ZDHHC11: variants seen among roughly 807,000 people sequenced by gnomAD.
The protein encoded by ZDHHC11 is zDHHC palmitoyltransferase 11.
Under a neutral mutation model 51.3 loss-of-function variants are expected in ZDHHC11, and 44 were observed. That is an observed-to-expected ratio of 0.86 (90% confidence interval 0.67 to 1.10). The LOEUF (loss-of-function observed/expected upper bound fraction) is 1.10. Ranked by LOEUF, ZDHHC11 falls within the 50% of genes least tolerant of loss-of-function variation. The pLI is 0.00. For synonymous variants in ZDHHC11, 163 were observed against 222.0 expected (o/e 0.73, Z 2.36); for missense variants, 400 against 537.7 (o/e 0.74, Z 2.53).
intron 3 of ZDHHC11, among the ~76,000 whole-genome samples, 173 bp from the exon 4 acceptor site, chr5:843,897 G>A (rs1745574434): frequency 7.9e-5 from 9 of 114,612 alleles, no homozygotes; most frequent in East Asian, 6.0e-4. Flanking sequence ...TGGGGGCGGG[G>A]AGGCAGGGGC....
In ZDHHC11 at chr5:801,163, GC is replaced by G; in HGVS notation, c.1182del (p.Leu395CysfsTer9). Reference sequence around the variant, plus strand: ...ATGGGCTCTGTTGTTTCTTGTTGCAGCCTGTTTGCAATATTCAGAAAGAGAA... The same window carrying G: ...ATGGGCTCTGTTGTTTCTTGTTGCAGCTGTTTGCAATATTCAGAAAGAGAA... ...ADDAPSISTL[G>X]LQQETTEPMK... On this transcript the variant is annotated frameshift_variant and splice_region_variant, in exon 12 of 13. Coordinates refer to ENST00000283441, the MANE Select transcript of ZDHHC11 (RefSeq NM_024786.3). LOFTEE classifies it high-confidence loss of function. The G allele has an allele frequency of 1.2e-6, 2 of 1,610,882 alleles. No homozygotes were observed.
intron 4 of ZDHHC11, among the ~76,000 whole-genome samples, chr5:842,854 G>A (rs1282234557): frequency 2.0e-5 from 3 of 151,944 alleles, no homozygotes; most frequent in African/African-American, 7.3e-5. Context: ...ACCCCGGGCT[G>A]TGGCTGTGTG....
At chr5:804,805 C>T (rs1207782276) in intron 11 of ZDHHC11, among the ~76,000 whole-genome samples, 1 of 150,920 alleles carries the variant, frequency 6.6e-6, no homozygotes, top group East Asian at 1.9e-4. Flanking sequence ...CTCACATAGA[C>T]AAAAATTGAG....
intron 12 of ZDHHC11, among the ~76,000 whole-genome samples, chr5:800,775 G>C (rs1407945450): frequency 6.6e-6 from 1 of 151,378 alleles, no homozygotes; most frequent in African/African-American, 2.4e-5. Flanking sequence ...ATTATTTAAA[G>C]TTCTTAGATC....
At chr5:860,240 T>G (rs1376493643), upstream of ZDHHC11, among the ~76,000 whole-genome samples, 1 of 152,194 alleles carries the variant, frequency 6.6e-6, no homozygotes, top group Non-Finnish European at 1.5e-5. This position sits in a 1 kb window ranked among gnomAD's most constrained non-coding sequence, Gnocchi z 4.2. Context: ...GGGCAGCTGC[T>G]CTGGCCAGAG....
At chr5:831,164 A>C (rs1386827316) in intron 7 of ZDHHC11, among the ~76,000 whole-genome samples, 2 of 149,456 alleles carry the variant, frequency 1.3e-5, no homozygotes, top group African/African-American at 4.9e-5. Context: ...CCTTCTGCAC[A>C]GGAAAAGAAG....
At chr5:855,796 A>C (rs1348378066), upstream of ZDHHC11, among the ~76,000 whole-genome samples, 20 of 139,696 alleles carry the variant, frequency 1.4e-4, no homozygotes, top group Non-Finnish European at 2.6e-4. Context: ...GACAGTGAGC[A>C]GTGGGGACAG....
In ZDHHC11 at chr5:802,770, G is replaced by A. The variant is rs1168892286; in HGVS notation, c.1182-1606C>T. On this transcript the variant is annotated intron_variant, in intron 11 of 12. Coordinates refer to ENST00000283441, the MANE Select transcript of ZDHHC11 (RefSeq NM_024786.3). ...GGGTGGATCACGAGGTCAGGAGATC[G>A]AGACCATCCTGGCTAACATGGTGAA... Among the ~76,000 whole-genome samples, 8 of 132,242 alleles carry A rather than the reference G, an allele frequency of 6.0e-5. 1 individual carries two copies. The highest frequency in any genetic ancestry group is 8.5e-5 in the Admixed American group (1 of 11,826). The allele number at this position is 132,242 out of a possible 152,430, so 86.8% of individuals were successfully genotyped here.
At chr5:810,945 AATG>A (rs1451337543) in intron 11 of ZDHHC11, among the ~76,000 whole-genome samples, 5 of 151,722 alleles carry the variant, frequency 3.3e-5, no homozygotes, top group African/African-American at 1.2e-4. Context: ...AGGTGTATTA[AATG>A]ATAATTTCAT....
At chr5:822,162 A>G (rs1377197867) in intron 8 of ZDHHC11, among the ~76,000 whole-genome samples, 2 of 151,406 alleles carry the variant, frequency 1.3e-5, no homozygotes, top group African/African-American at 4.9e-5. Context: ...ATGTGGAGAC[A>G]GGGTCTTGAA....
In ZDHHC11 at chr5:846,942, G is replaced by A. The variant is rs1219632316; in HGVS notation, c.503+572C>T. ...TGCTCAGGGGAAAGACCTCTCGCCT[G>A]TGAGCCTCCACCATGCTCAGTGGAA... is the stretch of plus-strand genomic sequence containing the variant. On this transcript the variant is annotated intron_variant, in intron 3 of 12. Coordinates refer to ENST00000283441, the MANE Select transcript of ZDHHC11 (RefSeq NM_024786.3). Among the ~76,000 whole-genome samples, 4 of 147,564 alleles carry A rather than the reference G, an allele frequency of 2.7e-5. 1 individual carries two copies. Among genetic ancestry groups the A allele is most frequent in the Non-Finnish European group, 4.5e-5 (3 of 66,884 alleles).
intron 8 of ZDHHC11, 55 bp from the exon 9 acceptor site, chr5:821,950 A>T (rs993445415): frequency 2.5e-5 from 38 of 1,502,856 alleles, no homozygotes; most frequent in Non-Finnish European, 3.1e-5. Flanking sequence ...ACTTATTCTT[A>T]AAAAAAATTC....
chr5:850,274 G>T, intron 1 of ZDHHC11, 107 bp downstream of exon 1: 1 of 1,301,552 alleles, frequency 7.7e-7, no homozygotes, highest in Admixed American at 2.1e-5. Context: ...CCCAGGGCAG[G>T]TGACTGGTGC....
At chr5:859,219 C>G (rs563634002), upstream of ZDHHC11, among the ~76,000 whole-genome samples, 3 of 152,176 alleles carry the variant, frequency 2.0e-5, no homozygotes, top group African/African-American at 7.2e-5. Context: ...TGGATGGGCC[C>G]CAATGCCTGC....
At chr5:852,834 G>A (rs1747459578), upstream of ZDHHC11, among the ~76,000 whole-genome samples, 1 of 148,188 alleles carries the variant, frequency 6.7e-6, no homozygotes, top group African/African-American at 2.5e-5. Flanking sequence ...AGGACAGCGA[G>A]CCGGGGGTAC....
At chr5:852,937 G>C (rs1378422548), upstream of ZDHHC11, among the ~76,000 whole-genome samples, 1 of 145,344 alleles carries the variant, frequency 6.9e-6, no homozygotes, top group African/African-American at 2.6e-5. Context: ...CGAGCCGAGG[G>C]GACAGACCCC....
intron 3 of ZDHHC11, among the ~76,000 whole-genome samples, chr5:844,848 C>T (rs866643453): frequency 2.0e-5 from 3 of 152,304 alleles, no homozygotes; most frequent in South Asian, 4.1e-4. Flanking sequence ...TCAAAAGATG[C>T]AGAGAATAAT....
chr5:851,248 C>T (rs1747181644), upstream of ZDHHC11, among the ~76,000 whole-genome samples: 2 of 152,158 alleles, frequency 1.3e-5, no homozygotes, highest in Non-Finnish European at 2.9e-5. Context: ...GGAAGCCCGT[C>T]CAGCCACGCG....
intron 1 of ZDHHC11, 53 bp downstream of exon 1, chr5:850,328 A>C: frequency 6.3e-7 from 1 of 1,580,078 alleles, no homozygotes; most frequent in Non-Finnish European, 8.6e-7. Flanking sequence ...GGTCCATCGC[A>C]AGTTCCTCCA....
Sources: allele counts gnomAD v4.1 joint callset (sites outside exome capture counted in the v4.1 genomes callset), GRCh38; gene constraint gnomAD v4.1.1; non-coding constraint Gnocchi (gnomAD v3.1); transcripts MANE v1.5; gene names NCBI Gene and HGNC (gene_info 2026-07-23, HGNC 2026-07-21).